The following PLSCR4 variants were observed in gnomAD, a reference collection of about 807,000 sequenced individuals.
PLSCR4 encodes Ca(2+)-dependent phospholipid scramblase 4.
In PLSCR4, 25 loss-of-function variants were observed where a neutral mutation model predicts 36.3. That is an observed-to-expected ratio of 0.69 (90% CI 0.50 to 0.96). The LOEUF is 0.96. PLSCR4 is among the 40% of genes least tolerant of loss of function. The pLI, the probability that PLSCR4 is intolerant of heterozygous loss-of-function variation, is 0.00. For missense variants in PLSCR4, 408 were observed against 414.7 expected (o/e 0.98, Z 0.14); for synonymous variants, 122 against 132.9 (o/e 0.92, Z 0.56).
chr3:146,228,004 T>C (rs1215235288), intron 1 of PLSCR4, among the ~76,000 whole-genome samples: 1 of 152,214 alleles, frequency 6.6e-6, no homozygotes, highest in African/African-American at 2.4e-5. Context: ...CTTCAGACAG[T>C]ATGGACAGTG....
At chr3:146,240,061 G>T (rs2107846623) in intron 1 of PLSCR4, among the ~76,000 whole-genome samples, 1 of 152,080 alleles carries the variant, frequency 6.6e-6, no homozygotes, top group Non-Finnish European at 1.5e-5. Context: ...AATTTAAAAG[G>T]TTTGTAATTC....
chr3:146,220,842 G>C lies in PLSCR4; in HGVS notation c.91C>G (p.Pro31Ala), dbSNP rs763387810. The C allele has an allele frequency of 5.0e-6, 8 of 1,611,316 alleles. No individual in the cohort carries two copies. In the East Asian group the frequency reaches 1.8e-4, roughly 36 times the overall value. Residue 31 changes from proline to alanine, a missense_variant, in exon 3 of 9, where the codon CCT (proline) becomes GCT (alanine). Physicochemically the swap from Pro to Ala is conservative, Grantham distance 27. Transcript: ENST00000354952. ...KPPDPRPDAPPEYNSHFLPGP... is the reference protein window; with the variant it reads ...KPPDPRPDAPAEYNSHFLPGP... ...GGTAAAAAATGAGAATTGTATTCAG[G>C]AGGAGCATCAGGCCTTGGATCTGGT... is the stretch of plus-strand genomic sequence containing the variant.
intron 3 of PLSCR4, among the ~76,000 whole-genome samples, chr3:146,213,467 G>C (rs2034729874): frequency 6.6e-6 from 1 of 151,348 alleles, no homozygotes; most frequent in Admixed American, 6.6e-5. Flanking sequence ...AAGTAGCTGG[G>C]ATTACAGGCA....
At chr3:146,250,287 T>A (rs1440678081) in intron 1 of PLSCR4, among the ~76,000 whole-genome samples, 1 of 152,194 alleles carries the variant, frequency 6.6e-6, no homozygotes, top group Non-Finnish European at 1.5e-5. Context: ...CAGTATCAAG[T>A]TTGGTGCATT....
chr3:146,225,651 C>T (rs566977722), intron 1 of PLSCR4, among the ~76,000 whole-genome samples: 62 of 152,350 alleles, frequency 4.1e-4, no homozygotes, highest in Admixed American at 3.3e-3. Flanking sequence ...GGACTCACTA[C>T]ACCCTCCGCA....
At chr3:146,234,553 TTCTC>T (rs920070866) in intron 1 of PLSCR4, among the ~76,000 whole-genome samples, 2 of 152,154 alleles carry the variant, frequency 1.3e-5, no homozygotes, top group African/African-American at 4.8e-5. Flanking sequence ...TCCCTTTTTT[TTCTC>T]TCTGCCTTCC....
At position 146,193,673 on chromosome 3, in the gene PLSCR4, G is replaced by C. The variant is rs1163738326; in HGVS notation, c.*738C>G. The C allele has an allele frequency of 6.6e-6, 1 of 152,198 alleles. No individual in the cohort carries two copies. Among genetic ancestry groups the C allele is most frequent in the African/African-American group, 2.4e-5 (1 of 41,446 alleles). The allele number at this position is 152,198 out of a possible 1,614,324, so 9.4% of individuals were successfully genotyped here. ...TGTCTCTAAGTTGCTCAGAGATCTT[G>C]ACTGGCTGTGGCCCTGGCCAGCTCC... On this transcript the variant is annotated 3_prime_UTR_variant, in exon 9 of 9. Transcript: ENST00000354952.
intron 1 of PLSCR4, among the ~76,000 whole-genome samples, chr3:146,228,311 C>T (rs942982328): frequency 6.6e-6 from 1 of 152,256 alleles, no homozygotes; most frequent in African/African-American, 2.4e-5. Context: ...AATCTGTCTG[C>T]CAGTCAGCAA....
chr3:146,241,432 G>C (rs1214619769), intron 1 of PLSCR4, among the ~76,000 whole-genome samples: 1 of 151,992 alleles, frequency 6.6e-6, no homozygotes, highest in East Asian at 1.9e-4. Flanking sequence ...AGATAAGAAG[G>C]GCTATCACTT....
chr3:146,200,357 T>TA (rs557194624), intron 5 of PLSCR4, among the ~76,000 whole-genome samples: 1 of 152,042 alleles, frequency 6.6e-6, no homozygotes, highest in Non-Finnish European at 1.5e-5. Flanking sequence ...TAAAACCATT[T>TA]AAAAAAATTA....
chr3:146,224,171 T>C lies in PLSCR4; in HGVS notation c.-21-2079A>G, dbSNP rs115247422. Among the ~76,000 whole-genome samples, 1,260 of 152,164 alleles carry C rather than the reference T, an allele frequency of 8.3e-3. 18 individuals are homozygous for C. Among genetic ancestry groups the C allele is most frequent in the African/African-American group, 0.028 (1,182 of 41,526 alleles). On this transcript the variant is annotated intron_variant, in intron 1 of 8. Coordinates refer to ENST00000354952, the MANE Select transcript of PLSCR4 (RefSeq NM_020353.3). ...CATGCACACAGGATATAGACAAGAA[T>C]GTTCTTGATAACACTATTCATATTT... is the stretch of plus-strand genomic sequence containing the variant.
At chr3:146,222,009 T>A (rs1260096121) in intron 2 of PLSCR4, 56 bp downstream of exon 2, 10 of 1,039,176 alleles carry the variant, frequency 9.6e-6, no homozygotes, top group Non-Finnish European at 1.4e-5. Context: ...GGGAAAATAA[T>A]CACAAAATTC....
At chr3:146,206,393 TTA>T (rs1461115470) in intron 4 of PLSCR4, 131 bp downstream of exon 4, 2 of 649,350 alleles carry the variant, frequency 3.1e-6, no homozygotes, top group Non-Finnish European at 5.5e-6. Flanking sequence ...ATCACTGTTC[TTA>T]TAGTTTCACA....
intron 7 of PLSCR4, 64 bp downstream of exon 7, chr3:146,196,568 C>T: frequency 6.7e-7 from 1 of 1,494,800 alleles, no homozygotes; most frequent in Non-Finnish European, 9.3e-7. Context: ...ACAACCAGAT[C>T]TTTCCATGGT....
Position 146,196,785 on chromosome 3 carries a change from C to T in PLSCR4, c.633G>A (p.Val211=), listed in dbSNP as rs780046010. ...CAATGGTGACACCAGGAGGACACTG[C>T]ACCTCCAGCTGCAAACAAAACAGTG... is the stretch of plus-strand genomic sequence containing the variant. ...CCPSARQELE[V]QCPPGVTIGF... is the part of the protein sequence containing the mutation. Residue 211 remains valine (V), a synonymous_variant, in exon 7 of 9, where the codon GTG becomes GTA. Transcript: ENST00000354952. 14 of 1,613,550 alleles carry T rather than the reference C, an allele frequency of 8.7e-6. No individual in the cohort carries two copies. Among genetic ancestry groups the T allele is most frequent in the South Asian group, 2.2e-5 (2 of 91,076 alleles).
rs562205054 is a variant in PLSCR4 at position 146,247,038 on chromosome 3, C to T, written c.-22+3922G>A. Among the ~76,000 whole-genome samples the T allele has an allele frequency of 2.6e-5, 4 of 152,150 alleles. No individual in the cohort carries two copies. In the South Asian group the frequency reaches 8.3e-4, roughly 32 times the overall value. The stretch of plus-strand genomic sequence containing the variant: ...AAATGGCAATCATCTATATACTTTT[C>T]TGTGTCTTTTTCTTTTCATTTATTA... On this transcript the variant is annotated intron_variant, in intron 1 of 8. Coordinates refer to ENST00000354952, the MANE Select transcript of PLSCR4 (RefSeq NM_020353.3).
chr3:146,194,564 C>T (rs1329228202), intron 8 of PLSCR4, 109 bp from the exon 9 acceptor site: 2 of 666,438 alleles, frequency 3.0e-6, no homozygotes, highest in Non-Finnish European at 5.1e-6. Flanking sequence ...AGTTAAAATA[C>T]ATAAATTTAG....
chr3:146,245,130 G>A (rs375879708), intron 1 of PLSCR4, among the ~76,000 whole-genome samples: 66 of 152,090 alleles, frequency 4.3e-4, no homozygotes, highest in African/African-American at 1.3e-3. Flanking sequence ...AGATGTTACC[G>A]AATTGTTGCA....
intron 1 of PLSCR4, among the ~76,000 whole-genome samples, chr3:146,226,272 T>C (rs919512981): frequency 6.6e-5 from 10 of 152,204 alleles, no homozygotes; most frequent in African/African-American, 2.4e-4. Flanking sequence ...TGCATATTTA[T>C]ATGCATTGCA....
Sources: gnomAD v4.1 joint callset for allele counts (sites outside exome capture counted in the v4.1 genomes callset) on GRCh38, gnomAD v4.1.1 for gene constraint, MANE v1.5 for transcripts, NCBI Gene and HGNC (gene_info 2026-07-23, HGNC 2026-07-21) for gene names.